Variants in MARCHF4 observed in about 807,000 individuals in gnomAD.
The protein encoded by MARCHF4 is membrane associated ring-CH-type finger 4.
MARCHF4 carries 14 observed loss-of-function variants against 43.9 expected under a neutral mutation model. The observed-to-expected ratio is 0.32, with a 90% CI of 0.21 to 0.50. The LOEUF is 0.50. Among genes scored for constraint, MARCHF4 ranks in the 20% least tolerant of loss-of-function variants. The pLI, the probability that MARCHF4 is intolerant of heterozygous loss-of-function variation, is 0.98. For synonymous variants in MARCHF4, 226 were observed against 213.3 expected (o/e 1.06, Z -0.52); for missense variants, 468 against 536.7 (o/e 0.87, Z 1.27).
intron 2 of MARCHF4, among the ~76,000 whole-genome samples, chr2:216,283,207 T>C (rs546875161): frequency 6.6e-6 from 1 of 152,258 alleles, no homozygotes; most frequent in Admixed American, 6.5e-5. Context: ...TTTCTTCTTC[T>C]TCCCTGCCTC....
intron 2 of MARCHF4, among the ~76,000 whole-genome samples, chr2:216,281,028 A>G (rs1448967142): frequency 6.7e-6 from 1 of 149,278 alleles, no homozygotes; most frequent in African/African-American, 2.5e-5. Flanking sequence ...GCCCCATGTG[A>G]CACAGGAAAC....
intron 1 of MARCHF4, among the ~76,000 whole-genome samples, chr2:216,324,440 AG>A (rs1370572310): frequency 6.6e-6 from 1 of 152,016 alleles, no homozygotes; most frequent in Non-Finnish European, 1.5e-5. Flanking sequence ...ATAGAAAAAG[AG>A]GGAACCCTCC....
chr2:216,341,975 G>A (rs1462446037), intron 1 of MARCHF4, among the ~76,000 whole-genome samples: 1 of 152,156 alleles, frequency 6.6e-6, no homozygotes, highest in African/African-American at 2.4e-5. Context: ...GATGACTGTG[G>A]CAAACTCATC....
intron 1 of MARCHF4, among the ~76,000 whole-genome samples, chr2:216,283,971 G>A (rs1475699286): frequency 1.3e-5 from 2 of 152,136 alleles, no homozygotes; most frequent in Non-Finnish European, 2.9e-5. Flanking sequence ...ATACAGCACA[G>A]TACTATTAAT....
intron 1 of MARCHF4, among the ~76,000 whole-genome samples, chr2:216,314,198 C>T (rs1691734672): frequency 6.6e-6 from 1 of 152,168 alleles, no homozygotes; most frequent in Non-Finnish European, 1.5e-5. Flanking sequence ...GTCTTTTGTA[C>T]ATCTACTGTG....
intron 1 of MARCHF4, among the ~76,000 whole-genome samples, chr2:216,295,332 C>A (rs1043776331): frequency 6.6e-6 from 1 of 152,208 alleles, no homozygotes; most frequent in African/African-American, 2.4e-5. Context: ...GTGATCTCAA[C>A]TTACTTCAGC....
chr2:216,285,807 G>A (rs747765708), intron 1 of MARCHF4, among the ~76,000 whole-genome samples: 4 of 152,160 alleles, frequency 2.6e-5, no homozygotes, highest in Non-Finnish European at 4.4e-5. Flanking sequence ...GCATTTCCTA[G>A]GCTCATTAAT....
intron 1 of MARCHF4, among the ~76,000 whole-genome samples, chr2:216,307,551 A>G (rs1229965933): frequency 6.6e-6 from 1 of 151,928 alleles, no homozygotes; most frequent in Non-Finnish European, 1.5e-5. Flanking sequence ...TTTTTTTGGA[A>G]CTGGAATCTT....
chr2:216,354,988 T>TTTC (rs1692477820), intron 1 of MARCHF4, among the ~76,000 whole-genome samples: 15 of 144,174 alleles, frequency 1.0e-4, no homozygotes, highest in Non-Finnish European at 1.1e-4. Flanking sequence ...TCTTTCTTTT[T>TTTC]TGAGACAGAG....
At chr2:216,333,009 C>A (rs1692104018) in intron 1 of MARCHF4, among the ~76,000 whole-genome samples, 1 of 152,264 alleles carries the variant, frequency 6.6e-6, no homozygotes, top group African/African-American at 2.4e-5. Flanking sequence ...TACACAAAAA[C>A]CAGTTCTAGA....
rs138918148 is a variant in MARCHF4, at chr2:216,265,174, G to A, written c.866-5495C>T. 4.0e-3 allele frequency among the ~76,000 whole-genome samples: 612 copies of A among 152,232 alleles called. 6 individuals are homozygous for A. Among genetic ancestry groups the A allele is most frequent in the African/African-American group, 0.014 (587 of 41,558 alleles). On this transcript the variant is annotated intron_variant, in intron 3 of 3. Transcript: ENST00000273067. The stretch of plus-strand genomic sequence containing the variant: ...GAACAGAGGCAGAAAAGTCATAGGA[G>A]GAGAAAATGGGAAATGAGGGGGCAT...
rs751878456 is a variant in MARCHF4, at chr2:216,259,510, G to A, written c.1035C>T (p.Pro345=). ...RTSSSTQANI[P]SSEEETAGTP... ...TGCCTGCGGTCTCCTCTTCCGAGGA[G>A]GGGATATTGGCCTGGGTGGATGAGG... Residue 345 remains proline (P), a synonymous_variant, in exon 4 of 4, where the codon CCC becomes CCT. Transcript: ENST00000273067. 6.2e-7 allele frequency: 1 copy of A among 1,614,094 alleles called. No individual in the cohort carries two copies. Among genetic ancestry groups the A allele is most frequent in the African/African-American group, 1.3e-5 (1 of 74,942 alleles).
chr2:216,282,888 C>T (rs1691152488), intron 2 of MARCHF4, among the ~76,000 whole-genome samples: 1 of 152,190 alleles, frequency 6.6e-6, no homozygotes. Context: ...CTCTGCCTCC[C>T]TCTCCTGTTT....
chr2:216,328,766 A>C (rs1692036743), intron 1 of MARCHF4, among the ~76,000 whole-genome samples: 1 of 152,256 alleles, frequency 6.6e-6, no homozygotes, highest in Non-Finnish European at 1.5e-5. Context: ...GGCCGGGTGC[A>C]GAGGCTCACA....
At chr2:216,260,859 T>C (rs1407563766) in intron 3 of MARCHF4, among the ~76,000 whole-genome samples, 1 of 152,100 alleles carries the variant, frequency 6.6e-6, no homozygotes, top group Non-Finnish European at 1.5e-5. Context: ...AGTGATGTCA[T>C]GCGGGTTGGA....
At chr2:216,311,825 C>T (rs1289135374) in intron 1 of MARCHF4, among the ~76,000 whole-genome samples, 2 of 152,180 alleles carry the variant, frequency 1.3e-5, no homozygotes, top group East Asian at 3.9e-4. Flanking sequence ...GTATGAAGCA[C>T]TTGTCTTATC....
intron 1 of MARCHF4, among the ~76,000 whole-genome samples, chr2:216,342,160 T>G (rs1428854888): frequency 5.9e-5 from 9 of 152,128 alleles, no homozygotes; most frequent in African/African-American, 2.2e-4. Flanking sequence ...CCAAAGAAAA[T>G]GTATCTTTGC....
intron 1 of MARCHF4, among the ~76,000 whole-genome samples, chr2:216,305,995 C>T (rs930411258): frequency 7.9e-5 from 12 of 151,976 alleles, no homozygotes; most frequent in African/African-American, 2.9e-4. Context: ...TGCACCAAAA[C>T]ATTTTTTTAT....
intron 1 of MARCHF4, among the ~76,000 whole-genome samples, chr2:216,360,268 C>T (rs1409390367): frequency 6.6e-6 from 1 of 152,090 alleles, no homozygotes; most frequent in Non-Finnish European, 1.5e-5. Flanking sequence ...CTATTATTTT[C>T]TTCAAACTTA....
Sources: allele counts gnomAD v4.1 joint callset (sites outside exome capture counted in the v4.1 genomes callset), GRCh38; gene constraint gnomAD v4.1.1; transcripts MANE v1.5; gene names NCBI Gene and HGNC (gene_info 2026-07-23, HGNC 2026-07-21).